The following CNTNAP2 variants were observed in gnomAD, a reference collection of about 807,000 sequenced individuals.
The protein encoded by CNTNAP2 is contactin-associated protein-like 2.
CNTNAP2 carries 98 observed loss-of-function variants against 155.2 expected under a neutral mutation model. The ratio of observed to expected loss-of-function variants is 0.63; its 90% confidence interval spans 0.54 to 0.75. The LOEUF (loss-of-function observed/expected upper bound fraction) is 0.75, where lower values mean the gene tolerates loss of function less well. Among genes scored for constraint, CNTNAP2 ranks in the 30% least tolerant of loss-of-function variants. The pLI is 0.00. For missense variants in CNTNAP2, 1,727 were observed against 1,688.1 expected (o/e 1.02, Z -0.40); for synonymous variants, 651 against 631.2 (o/e 1.03, Z -0.47).
intron 1 of CNTNAP2, among the ~76,000 whole-genome samples, chr7:146,408,030 A>G (rs1244020336): frequency 2.0e-5 from 3 of 152,226 alleles, no homozygotes; most frequent in African/African-American, 7.2e-5. Context: ...CTTCTGACCA[A>G]CAGTAGGCTA....
intron 11 of CNTNAP2, among the ~76,000 whole-genome samples, chr7:147,539,981 A>G (rs923422099): frequency 2.6e-5 from 4 of 152,170 alleles, no homozygotes; most frequent in East Asian, 3.9e-4. Flanking sequence ...GATCCTCTCT[A>G]TAATTGCTAT....
intron 10 of CNTNAP2, among the ~76,000 whole-genome samples, chr7:147,467,674 T>G (rs943760085): frequency 1.3e-5 from 2 of 152,294 alleles, no homozygotes; most frequent in Middle Eastern, 3.4e-3. Flanking sequence ...TACAAATAAG[T>G]AAATGACTGA....
chr7:147,981,361 T>G (rs1801526377), intron 15 of CNTNAP2, among the ~76,000 whole-genome samples: 1 of 152,220 alleles, frequency 6.6e-6, no homozygotes, highest in Non-Finnish European at 1.5e-5. Context: ...AGTACAAACA[T>G]TATAGGGATT....
chr7:148,177,895 G>GT (rs71527883), intron 18 of CNTNAP2, among the ~76,000 whole-genome samples: 49,613 of 146,638 alleles, frequency 0.34, 8,579 homozygotes, highest in African/African-American at 0.45. Flanking sequence ...AACAGACACT[G>GT]TTTTTTTTTT....
intron 3 of CNTNAP2, among the ~76,000 whole-genome samples, chr7:146,954,368 A>C (rs13221567): frequency 0.34 from 50,965 of 151,790 alleles, 9,351 homozygotes; most frequent in Middle Eastern, 0.43. Flanking sequence ...CTAATGGCTC[A>C]TTAAACATGG....
chr7:146,246,249 G>A (rs1364732807), intron 1 of CNTNAP2, among the ~76,000 whole-genome samples: 2 of 150,668 alleles, frequency 1.3e-5, no homozygotes, highest in East Asian at 2.0e-4. Context: ...GGTAATACAA[G>A]AGGAGGACGC....
intron 10 of CNTNAP2, among the ~76,000 whole-genome samples, chr7:147,411,377 C>T (rs1394003521): frequency 6.6e-6 from 1 of 152,188 alleles, no homozygotes; most frequent in Admixed American, 6.5e-5. Context: ...TATAATTCAT[C>T]ATCCTTGAAG....
At chr7:146,721,270 A>T (rs957352461) in intron 1 of CNTNAP2, among the ~76,000 whole-genome samples, 1 of 120,396 alleles carries the variant, frequency 8.3e-6, no homozygotes, top group Non-Finnish European at 1.7e-5. Context: ...CTCTCTATAT[A>T]TTCTATATAT....
chr7:147,961,897 A>G (rs933591668), intron 14 of CNTNAP2, among the ~76,000 whole-genome samples: 1 of 152,220 alleles, frequency 6.6e-6, no homozygotes, highest in Admixed American at 6.5e-5. Context: ...AAAGGGGGTA[A>G]CAACTTTATT....
intron 2 of CNTNAP2, among the ~76,000 whole-genome samples, chr7:146,779,692 A>C (rs1802449010): frequency 6.6e-6 from 1 of 152,186 alleles, no homozygotes; most frequent in Non-Finnish European, 1.5e-5. Context: ...TTGCCTCCTC[A>C]AAGATGTTTC....
intron 3 of CNTNAP2, among the ~76,000 whole-genome samples, chr7:146,979,444 T>A (rs896251417): frequency 5.9e-5 from 9 of 152,240 alleles, no homozygotes; most frequent in African/African-American, 1.7e-4. Flanking sequence ...AGTGCTTTAT[T>A]GATACTCAAA....
chr7:147,906,780 T>C (rs961008810), intron 14 of CNTNAP2, among the ~76,000 whole-genome samples: 4 of 152,014 alleles, frequency 2.6e-5, no homozygotes, highest in African/African-American at 9.7e-5. Context: ...TTTTTAAAGA[T>C]ATATATTAGC....
At chr7:147,095,947 C>T (rs1314211712) in intron 4 of CNTNAP2, among the ~76,000 whole-genome samples, 1 of 152,144 alleles carries the variant, frequency 6.6e-6, no homozygotes, top group Admixed American at 6.5e-5. Flanking sequence ...ACAGATGAGC[C>T]TTTTGGACCC....
At chr7:146,942,954 T>C (rs1010734996) in intron 3 of CNTNAP2, among the ~76,000 whole-genome samples, 6 of 152,184 alleles carry the variant, frequency 3.9e-5, no homozygotes, top group African/African-American at 1.2e-4. Flanking sequence ...TTTATCACAG[T>C]AAAAATTTAG....
intron 9 of CNTNAP2, among the ~76,000 whole-genome samples, chr7:147,372,615 C>T (rs1240998487): frequency 1.3e-5 from 2 of 152,092 alleles, no homozygotes; most frequent in East Asian, 1.9e-4. Flanking sequence ...ACATTATAAC[C>T]ATTATAACAT....
intron 9 of CNTNAP2, among the ~76,000 whole-genome samples, chr7:147,365,125 C>A (rs1371165313): frequency 6.6e-6 from 1 of 151,524 alleles, no homozygotes; most frequent in East Asian, 1.9e-4. Flanking sequence ...ATGAATAGGC[C>A]GAGTGCAGTG....
chr7:147,517,801 A>C (rs931235402), intron 11 of CNTNAP2, among the ~76,000 whole-genome samples: 3 of 118,496 alleles, frequency 2.5e-5, no homozygotes, highest in Non-Finnish European at 5.9e-5. Context: ...AGTAACAATG[A>C]ATGGAATTAA....
intron 3 of CNTNAP2, among the ~76,000 whole-genome samples, chr7:147,034,551 C>A (rs1373313727): frequency 1.3e-5 from 2 of 152,210 alleles, no homozygotes; most frequent in Non-Finnish European, 2.9e-5. Context: ...TTCAATTAGA[C>A]CCCCTGCCTT....
At chr7:147,694,338 T>G (rs2116996064) in intron 13 of CNTNAP2, among the ~76,000 whole-genome samples, 1 of 152,230 alleles carries the variant, frequency 6.6e-6, no homozygotes, top group South Asian at 2.1e-4. Flanking sequence ...TGTCTTTGTC[T>G]GGTTTTGGTA....
Sources: allele counts gnomAD v4.1 joint callset (sites outside exome capture counted in the v4.1 genomes callset), GRCh38; gene constraint gnomAD v4.1.1; transcripts MANE v1.5; gene names NCBI Gene and HGNC (gene_info 2026-07-23, HGNC 2026-07-21).